SPATA31H1: variants seen among roughly 807,000 people sequenced by gnomAD.
The protein encoded by SPATA31H1 is SPATA31 subfamily H member 1, also known as spermatogenesis-associated protein 31H1.
At chr2:27,569,819 ATCT>A in the SPATA31H1 span, 7 of 398,764 alleles carry the variant, frequency 1.8e-5, no homozygotes, top group African/African-American at 1.2e-4. Context: ...CAAGTGTCAA[ATCT>A]TCTGAATTGA....
At chr2:27,542,478 T>G in the SPATA31H1 span, among the ~76,000 whole-genome samples, 1 of 152,040 alleles carries the variant, frequency 6.6e-6, no homozygotes, top group Non-Finnish European at 1.5e-5. Flanking sequence ...AACTAGAGGC[T>G]CTCATATTGG....
chr2:27,581,029 C>G, the SPATA31H1 span: 1 of 1,614,126 alleles, frequency 6.2e-7, no homozygotes, highest in Non-Finnish European at 8.5e-7. Context: ...AGTAGCAGAT[C>G]AAAGAAAAAC....
chr2:27,570,638 TTTAGAG>T, the SPATA31H1 span: 8 of 398,816 alleles, frequency 2.0e-5, no homozygotes, highest in Admixed American at 4.4e-5. Flanking sequence ...GTGTGAAATC[TTTAGAG>T]TTAAACTCAG....
chr2:27,567,850 C>A, the SPATA31H1 span: 1 of 399,010 alleles, frequency 2.5e-6, no homozygotes, highest in Non-Finnish European at 4.4e-6. Flanking sequence ...ACTCCATTGG[C>A]ACTACTTCGG....
At chr2:27,579,158 T>A in the SPATA31H1 span, 2 of 1,613,912 alleles carry the variant, frequency 1.2e-6, no homozygotes, top group East Asian at 4.5e-5. Context: ...TTCAGAAAGG[T>A]CTCATCAAGT....
chr2:27,545,581 T>TC, the SPATA31H1 span, among the ~76,000 whole-genome samples: 1 of 146,230 alleles, frequency 6.8e-6, no homozygotes, highest in Non-Finnish European at 1.5e-5. Flanking sequence ...TCCTTTTTCT[T>TC]TTTTTTTTTT....
the SPATA31H1 span, chr2:27,579,500 G>C: frequency 6.2e-7 from 1 of 1,614,180 alleles, no homozygotes; most frequent in Non-Finnish European, 8.5e-7. Context: ...TGGCCTTAAG[G>C]ATATGGACAC....
At chr2:27,541,366 G>A in the SPATA31H1 span, among the ~76,000 whole-genome samples, 1 of 151,430 alleles carries the variant, frequency 6.6e-6, no homozygotes, top group South Asian at 2.1e-4. Context: ...CTTTGGCTCG[G>A]CATCAGAGGG....
At chr2:27,578,164 G>C in the SPATA31H1 span, 1 of 1,614,088 alleles carries the variant, frequency 6.2e-7, no homozygotes, top group Non-Finnish European at 8.5e-7. Flanking sequence ...ACGATACCAA[G>C]GCCAACCCCT....
chr2:27,566,380 G>A, the SPATA31H1 span: 9 of 717,108 alleles, frequency 1.3e-5, no homozygotes, highest in Admixed American at 1.4e-4. Context: ...CCTAGAAAGC[G>A]CAAGGTCAGG....
At chr2:27,540,888 G>A in the SPATA31H1 span, among the ~76,000 whole-genome samples, 1 of 102,482 alleles carries the variant, frequency 9.8e-6, no homozygotes, top group East Asian at 3.5e-4. Flanking sequence ...GGGCAGAGAC[G>A]CTCCTCACTT....
At chr2:27,539,101 C>CTTTTTTTTTTTTTT in the SPATA31H1 span, among the ~76,000 whole-genome samples, 1 of 94,642 alleles carries the variant, frequency 1.1e-5, no homozygotes, top group Non-Finnish European at 2.1e-5. Flanking sequence ...TCATCATTTT[C>CTTTTTTTTTTTTTT]TTTTTTTTTT....
At chr2:27,573,306 G>C in the SPATA31H1 span, 1 of 397,866 alleles carries the variant, frequency 2.5e-6, no homozygotes, top group East Asian at 3.6e-5. Flanking sequence ...AAAAGATGTG[G>C]AGTCAAACAA....
chr2:27,569,088 G>A, the SPATA31H1 span: 2 of 398,738 alleles, frequency 5.0e-6, no homozygotes, highest in Non-Finnish European at 8.9e-6. Context: ...AGAATCTGTG[G>A]AGATGAGCTC....
the SPATA31H1 span, chr2:27,581,063 C>T: frequency 6.2e-7 from 1 of 1,614,114 alleles, no homozygotes; most frequent in Non-Finnish European, 8.5e-7. Context: ...AAACCTCCAG[C>T]CAGGAGTCTA....
the SPATA31H1 span, chr2:27,537,607 C>T: frequency 1.4e-6 from 1 of 711,814 alleles, no homozygotes; most frequent in African/African-American, 1.7e-5. Context: ...CTAACTGGTC[C>T]CGCTCCTGAG....
At chr2:27,565,335 A>G in the SPATA31H1 span, 1 of 717,184 alleles carries the variant, frequency 1.4e-6, no homozygotes, top group Non-Finnish European at 2.6e-6. Flanking sequence ...GTGCTTCTCT[A>G]GACTTCAAAG....
the SPATA31H1 span, chr2:27,567,514 G>C: frequency 2.4e-6 from 1 of 409,984 alleles, no homozygotes. Flanking sequence ...GCTGGAGTGG[G>C]ATCTGGATCA....
At chr2:27,539,721 ATGGGG>A in the SPATA31H1 span, among the ~76,000 whole-genome samples, 64 of 61,132 alleles carry the variant, frequency 1.0e-3, no homozygotes, top group East Asian at 4.3e-3. Flanking sequence ...CACCTCCCGG[ATGGGG>A]CGGCTGGCCG....
Sources: gnomAD v4.1 joint callset for allele counts (sites outside exome capture counted in the v4.1 genomes callset) on GRCh38, gnomAD v4.1.1 for gene constraint, MANE v1.5 for transcripts, NCBI Gene and HGNC (gene_info 2026-07-23, HGNC 2026-07-21) for gene names.